NPY1R: variants seen among roughly 807,000 people sequenced by gnomAD.
The protein encoded by NPY1R is neuropeptide Y receptor Y1, also known as neuropeptide Y receptor type 1.
In NPY1R, 10 loss-of-function variants were observed where a neutral mutation model predicts 24.1. The ratio of observed to expected loss-of-function variants is 0.42; its 90% CI spans 0.26 to 0.71. The LOEUF (loss-of-function observed/expected upper bound fraction) is 0.71. Among genes scored for constraint, NPY1R ranks in the 30% least tolerant of loss-of-function variants. NPY1R has a pLI of 0.28. For missense variants in NPY1R, 350 were observed against 458.0 expected, an observed-to-expected ratio of 0.76 and a Z score of 2.15; for synonymous variants, 168 against 165.9, an observed-to-expected ratio of 1.01 and a Z score of -0.10.
upstream of NPY1R, among the ~76,000 whole-genome samples, chr4:163,334,945 A>G (rs901743556): frequency 1.6e-4 from 24 of 152,094 alleles, no homozygotes; most frequent in African/African-American, 5.6e-4. Context: ...ATTCTTTCCA[A>G]TGTGAAAAAT....
chr4:163,335,176 T>A (rs1734815520), upstream of NPY1R, among the ~76,000 whole-genome samples: 1 of 152,204 alleles, frequency 6.6e-6, no homozygotes. Flanking sequence ...TAAAACTTCA[T>A]CTTTGCTAGG....
upstream of NPY1R, among the ~76,000 whole-genome samples, chr4:163,335,079 T>C (rs939550789): frequency 3.3e-5 from 5 of 152,184 alleles, no homozygotes; most frequent in African/African-American, 1.2e-4. Context: ...TTAAAGAGTT[T>C]CCTCATTCCA....
At chr4:163,340,927 A>G (rs757770577) in intron 1 of NPY1R, among the ~76,000 whole-genome samples, 8 of 152,118 alleles carry the variant, frequency 5.3e-5, no homozygotes, top group Non-Finnish European at 1.0e-4. Context: ...TAGGGCATCA[A>G]AAGGATAAAT....
At position 163,330,499 on chromosome 4, in the gene NPY1R, G is replaced by A. The variant is rs115867749; in HGVS notation, c.-152+1983C>T. Reference sequence around the variant, plus strand: ...TCAGTTTACCTTAGTGTAATTTCAAGAAAGAATAACTGTCAGAAAATAACA... The same window carrying A: ...TCAGTTTACCTTAGTGTAATTTCAAAAAAGAATAACTGTCAGAAAATAACA... On this transcript the variant is annotated intron_variant, in intron 1 of 2. Coordinates refer to ENST00000296533, the MANE Select transcript of NPY1R (RefSeq NM_000909.6). 3.2e-3 allele frequency among the ~76,000 whole-genome samples: 493 copies of A among 152,268 alleles called. 2 individuals are homozygous for A. The highest frequency in any genetic ancestry group is 0.011 in the African/African-American group (475 of 41,540).
chr4:163,332,020 C>T (rs1288657207), intron 1 of NPY1R, among the ~76,000 whole-genome samples: 1 of 152,198 alleles, frequency 6.6e-6, no homozygotes, highest in East Asian at 1.9e-4. Context: ...ACGCGCCAAG[C>T]CCACCCTTCT....
intron 1 of NPY1R, among the ~76,000 whole-genome samples, chr4:163,329,511 G>C (rs1311830215): frequency 1.3e-5 from 2 of 151,884 alleles, no homozygotes; most frequent in Non-Finnish European, 2.9e-5. Flanking sequence ...TGTGGCAGGA[G>C]AATTGCTTGA....
At chr4:163,344,600 A>G (rs1405018869) in exon 1 of NPY1R, 1 of 152,230 alleles carries the variant, frequency 6.6e-6, no homozygotes, top group Admixed American at 6.5e-5. Flanking sequence ...CTGCGCTCTA[A>G]GGTTTGCGCT....
intron 1 of NPY1R, among the ~76,000 whole-genome samples, chr4:163,329,820 T>TA (rs764629050): frequency 3.0e-4 from 35 of 116,114 alleles, no homozygotes; most frequent in Non-Finnish European, 2.2e-4. Context: ...TAAGTAGCAA[T>TA]AAGAAGTAGG....
chr4:163,344,530 G>T (rs1378189886), exon 1 of NPY1R: 1 of 152,304 alleles, frequency 6.6e-6, no homozygotes, highest in African/African-American at 2.4e-5. Flanking sequence ...AGCCCGCGGG[G>T]CGCCACTCAG....
upstream of NPY1R, among the ~76,000 whole-genome samples, chr4:163,335,153 G>T (rs189568324): frequency 2.0e-5 from 3 of 151,924 alleles, no homozygotes; most frequent in African/African-American, 7.3e-5. Flanking sequence ...TCCTATCTGG[G>T]ATTCAAACTA....
chr4:163,337,530 T>A (rs530892059), upstream of NPY1R, among the ~76,000 whole-genome samples: 7 of 152,296 alleles, frequency 4.6e-5, no homozygotes. Flanking sequence ...AACCCCAGGC[T>A]TTGAGTCAGC....
intron 2 of NPY1R, 34 bp from the exon 3 acceptor site, chr4:163,325,792 A>C: frequency 6.4e-7 from 1 of 1,569,836 alleles, no homozygotes; most frequent in Non-Finnish European, 8.7e-7. Flanking sequence ...AGAAACACTC[A>C]TTTGATGAGG....
rs1734566679 is a variant in NPY1R at position 163,324,782 on chromosome 4, C to T, written c.*521G>A. Reference sequence around the variant, plus strand: ...AACAAAAACCACCAAAAAACAGAAACCTCAAACCACTTCTGAATGACTTCA... The same window carrying T: ...AACAAAAACCACCAAAAAACAGAAATCTCAAACCACTTCTGAATGACTTCA... On this transcript the variant is annotated 3_prime_UTR_variant, in exon 3 of 3. Coordinates refer to ENST00000296533, the MANE Select transcript of NPY1R (RefSeq NM_000909.6). 6.6e-6 allele frequency: 1 copy of T among 150,590 alleles called. No homozygotes were observed. Among genetic ancestry groups the T allele is most frequent in the African/African-American group, 2.4e-5 (1 of 41,000 alleles). The allele number at this position is 150,590 out of a possible 1,614,324, so 9.3% of individuals were successfully genotyped here. A position where few individuals can be genotyped will look rare whatever the true frequency, so the allele number is the denominator to read the frequency against.
chr4:163,327,382 A>C (rs1734631184), intron 1 of NPY1R, among the ~76,000 whole-genome samples: 1 of 152,216 alleles, frequency 6.6e-6, no homozygotes, highest in South Asian at 2.1e-4. Flanking sequence ...TGAGCTTAGA[A>C]TGTTACATCT....
upstream of NPY1R, among the ~76,000 whole-genome samples, chr4:163,334,387 A>T (rs1400518441): frequency 6.6e-6 from 1 of 152,222 alleles, no homozygotes; most frequent in African/African-American, 2.4e-5. Flanking sequence ...AGAGTTCTGA[A>T]CTATTATGGC....
At chr4:163,338,816 C>T (rs1708143493) in intron 1 of NPY1R, among the ~76,000 whole-genome samples, 1 of 152,174 alleles carries the variant, frequency 6.6e-6, no homozygotes, top group African/African-American at 2.4e-5. Context: ...TTTCCTTGGA[C>T]ATTGTGCTTC....
At chr4:163,327,228 AGAT>A (rs1734627251) in intron 1 of NPY1R, among the ~76,000 whole-genome samples, 1 of 152,208 alleles carries the variant, frequency 6.6e-6, no homozygotes, top group African/African-American at 2.4e-5. Context: ...ATTCAACAAA[AGAT>A]GATCACTACA....
In NPY1R at chr4:163,325,588, A is replaced by G; in HGVS notation, c.870T>C (p.His290=). ...TGTGGTTGCAGGTAGCAATGATCTG[A>G]TGATTCCAATCAAACACAGTGTTAA... The part of the protein sequence containing the change: ...TIFNTVFDWN[H]QIIATCNHNL... Residue 290 remains histidine, a synonymous_variant, in exon 3 of 3, where the codon CAT becomes CAC. Transcript: ENST00000296533. The G allele has an allele frequency of 1.1e-5, 18 of 1,613,962 alleles. No individual in the cohort carries two copies. Among genetic ancestry groups the G allele is most frequent in the Non-Finnish European group, 1.4e-5 (17 of 1,179,984 alleles).
At chr4:163,339,892 A>G (rs1297618874) in intron 1 of NPY1R, among the ~76,000 whole-genome samples, 1 of 152,036 alleles carries the variant, frequency 6.6e-6, no homozygotes, top group Non-Finnish European at 1.5e-5. Context: ...ATTTTTTTCT[A>G]CCTGTTCAAT....
Sources: allele counts gnomAD v4.1 joint callset (sites outside exome capture counted in the v4.1 genomes callset), GRCh38; gene constraint gnomAD v4.1.1; transcripts MANE v1.5; gene names NCBI Gene and HGNC (gene_info 2026-07-23, HGNC 2026-07-21).